LRP1B: variants seen among roughly 807,000 people sequenced by gnomAD.
The protein encoded by LRP1B is low-density lipoprotein receptor-related protein 1B.
LRP1B carries 217 observed loss-of-function variants against 556.6 expected under a neutral mutation model. The observed-to-expected ratio is 0.39, with a 90% CI of 0.35 to 0.44. The LOEUF (loss-of-function observed/expected upper bound fraction) is 0.44, where lower values mean the gene tolerates loss of function less well. LRP1B is among the 20% of genes least tolerant of loss of function. The probability of loss-of-function intolerance (pLI) is 1.00; values close to 1 mark genes in which losing one functional copy is unlikely to be tolerated. For synonymous variants in LRP1B, 2,047 were observed against 1,865.8 expected (o/e 1.10, Z -2.50); for missense variants, 5,053 against 5,620.8 (o/e 0.90, Z 3.23).
At chr2:141,370,475 C>T (rs932439885) in intron 3 of LRP1B, among the ~76,000 whole-genome samples, 1 of 152,068 alleles carries the variant, frequency 6.6e-6, no homozygotes, top group Non-Finnish European at 1.5e-5. Flanking sequence ...TTCATGTCAG[C>T]CTACTTTTCA....
At chr2:140,575,402 AAATT>A (rs1206292677) in intron 43 of LRP1B, among the ~76,000 whole-genome samples, 1 of 152,196 alleles carries the variant, frequency 6.6e-6, no homozygotes, top group African/African-American at 2.4e-5. Context: ...ATAATTAACT[AAATT>A]AATTAATGTG....
intron 2 of LRP1B, among the ~76,000 whole-genome samples, chr2:141,649,564 T>A (rs1412057086): frequency 1.3e-5 from 2 of 152,172 alleles, no homozygotes; most frequent in African/African-American, 2.4e-5. Flanking sequence ...TTGATGTCTC[T>A]TTACCTGAAA....
intron 7 of LRP1B, among the ~76,000 whole-genome samples, chr2:141,155,443 C>A (rs2105095765): frequency 6.6e-6 from 1 of 150,604 alleles, no homozygotes; most frequent in African/African-American, 2.4e-5. Context: ...AGGGGGTACA[C>A]TTCTAATTTC....
At chr2:141,437,171 T>C (rs1310537957) in intron 3 of LRP1B, among the ~76,000 whole-genome samples, 1 of 152,118 alleles carries the variant, frequency 6.6e-6, no homozygotes, top group Non-Finnish European at 1.5e-5. Flanking sequence ...CTGATGTATA[T>C]ATGACAATAG....
intron 12 of LRP1B, among the ~76,000 whole-genome samples, chr2:141,018,107 C>A (rs2105393759): frequency 6.6e-6 from 1 of 151,808 alleles, no homozygotes; most frequent in East Asian, 1.9e-4. Flanking sequence ...TAAGCAGGAA[C>A]TAATACAAGT....
intron 1 of LRP1B, among the ~76,000 whole-genome samples, chr2:142,034,637 G>A (rs1314560854): frequency 1.3e-5 from 2 of 151,662 alleles, no homozygotes; most frequent in Admixed American, 1.3e-4. Context: ...TTTTTGAATT[G>A]TCTTGAAGTT....
chr2:142,097,125 C>T (rs1011533623), intron 1 of LRP1B, among the ~76,000 whole-genome samples: 1 of 151,430 alleles, frequency 6.6e-6, no homozygotes, highest in African/African-American at 2.4e-5. Context: ...ACTGGGATTC[C>T]TAATACTTGC....
chr2:142,005,645 C>T (rs1702777175), intron 1 of LRP1B, among the ~76,000 whole-genome samples: 1 of 151,940 alleles, frequency 6.6e-6, no homozygotes, highest in African/African-American at 2.4e-5. Flanking sequence ...ATCTCAGCAC[C>T]ACTAAGTTAT....
intron 10 of LRP1B, among the ~76,000 whole-genome samples, chr2:141,050,392 T>C (rs1282058359): frequency 6.6e-6 from 1 of 152,032 alleles, no homozygotes; most frequent in Non-Finnish European, 1.5e-5. Flanking sequence ...GTTTGTTACA[T>C]AGATAGCATA....
intron 41 of LRP1B, among the ~76,000 whole-genome samples, chr2:140,667,899 G>A (rs973658148): frequency 2.6e-5 from 4 of 152,184 alleles, no homozygotes; most frequent in African/African-American, 9.6e-5. Flanking sequence ...GTGTTCTTTT[G>A]GGGGTCTCCT....
intron 1 of LRP1B, among the ~76,000 whole-genome samples, chr2:141,839,777 C>T (rs1418138562): frequency 6.6e-5 from 10 of 152,134 alleles, no homozygotes; most frequent in Admixed American, 6.5e-4. Context: ...CTGCTTCATC[C>T]TACTCAGCAA....
chr2:141,314,848 A>T (rs1446266590), intron 3 of LRP1B, among the ~76,000 whole-genome samples: 1 of 126,950 alleles, frequency 7.9e-6, no homozygotes, highest in African/African-American at 3.0e-5. Flanking sequence ...ATATATACAC[A>T]TATATATACA....
At chr2:140,512,362 T>C (rs1325190257) in intron 51 of LRP1B, among the ~76,000 whole-genome samples, 1 of 152,014 alleles carries the variant, frequency 6.6e-6, no homozygotes, top group Non-Finnish European at 1.5e-5. Flanking sequence ...AAAGAAAAAA[T>C]TCATGACTTT....
chr2:141,126,400 C>A (rs1219077601), intron 7 of LRP1B, among the ~76,000 whole-genome samples: 1 of 152,174 alleles, frequency 6.6e-6, no homozygotes, highest in Non-Finnish European at 1.5e-5. Flanking sequence ...GAGGAGGGCA[C>A]TCAGTAGAAA....
At chr2:141,881,441 C>G (rs1698954441) in intron 1 of LRP1B, among the ~76,000 whole-genome samples, 1 of 152,120 alleles carries the variant, frequency 6.6e-6, no homozygotes, top group Admixed American at 6.6e-5. Context: ...TATTCAGAAC[C>G]ATGATGGTAT....
chr2:141,481,077 G>C (rs1451971911), intron 2 of LRP1B, among the ~76,000 whole-genome samples: 1 of 152,086 alleles, frequency 6.6e-6, no homozygotes, highest in Non-Finnish European at 1.5e-5. Context: ...GACTTCTATT[G>C]TTTAAAAATC....
At chr2:141,062,571 C>T (rs1157134417) in intron 7 of LRP1B, among the ~76,000 whole-genome samples, 1 of 151,756 alleles carries the variant, frequency 6.6e-6, no homozygotes, top group African/African-American at 2.4e-5. Context: ...GGAGCTGAAG[C>T]ACATCAACCA....
At chr2:140,716,646 G>T (rs1398192034) in intron 36 of LRP1B, 36 bp downstream of exon 36, 1 of 1,568,202 alleles carries the variant, frequency 6.4e-7, no homozygotes, top group Non-Finnish European at 8.6e-7. Flanking sequence ...AACAAAATAG[G>T]TGTGAAACAG....
intron 32 of LRP1B, among the ~76,000 whole-genome samples, chr2:140,797,276 C>G (rs557278283): frequency 1.3e-5 from 2 of 152,022 alleles, no homozygotes; most frequent in African/African-American, 4.8e-5. Context: ...GGTAAGTTAC[C>G]AATTTCTCCA....
Sources: allele counts gnomAD v4.1 joint callset (sites outside exome capture counted in the v4.1 genomes callset), GRCh38; gene constraint gnomAD v4.1.1; transcripts MANE v1.5; gene names NCBI Gene and HGNC (gene_info 2026-07-23, HGNC 2026-07-21).